The following CCDC149 variants were observed in gnomAD, a reference collection of about 807,000 sequenced individuals.
The protein encoded by CCDC149 is coiled-coil domain containing 149.
A neutral mutation model predicts 59.9 loss-of-function variants in CCDC149; 45 were observed. The ratio of observed to expected loss-of-function variants is 0.75; its 90% confidence interval spans 0.59 to 0.96. The LOEUF (loss-of-function observed/expected upper bound fraction) is 0.96, where lower values mean the gene tolerates loss of function less well. CCDC149 is among the 40% of genes least tolerant of loss of function. CCDC149 has a pLI of 0.00. For synonymous variants in CCDC149, 245 were observed against 260.6 expected (o/e 0.94, Z 0.58); for missense variants, 584 against 664.7 (o/e 0.88, Z 1.33).
At chr4:24,861,286 A>ACACACCG (rs1718370573) in intron 3 of CCDC149, among the ~76,000 whole-genome samples, 4 of 143,654 alleles carry the variant, frequency 2.8e-5, no homozygotes, top group African/African-American at 1.0e-4. Context: ...CACACACACC[A>ACACACCG]TGGAGTACTG....
At chr4:24,855,011 A>G (rs956406200) in intron 3 of CCDC149, among the ~76,000 whole-genome samples, 1 of 152,174 alleles carries the variant, frequency 6.6e-6, no homozygotes, top group African/African-American at 2.4e-5. Flanking sequence ...GCCATCTGTT[A>G]TCATTTACTT....
At chr4:24,971,895 C>T (rs1235943231) in intron 1 of CCDC149, among the ~76,000 whole-genome samples, 1 of 152,190 alleles carries the variant, frequency 6.6e-6, no homozygotes, top group African/African-American at 2.4e-5. Context: ...CTCCACAACC[C>T]CTTATCATAA....
At chr4:24,928,600 G>A (rs1722495375) in intron 1 of CCDC149, among the ~76,000 whole-genome samples, 1 of 152,130 alleles carries the variant, frequency 6.6e-6, no homozygotes, top group Non-Finnish European at 1.5e-5. Flanking sequence ...TCTTGTTCTT[G>A]CTTTCTTTGC....
At chr4:24,919,385 G>A (rs1317306524) in intron 1 of CCDC149, among the ~76,000 whole-genome samples, 1 of 151,852 alleles carries the variant, frequency 6.6e-6, no homozygotes, top group East Asian at 1.9e-4. Flanking sequence ...GACACAAAAA[G>A]CCTTTTCAGC....
At chr4:24,866,789 C>A (rs796212578) in intron 3 of CCDC149, among the ~76,000 whole-genome samples, 122 of 129,598 alleles carry the variant, frequency 9.4e-4, no homozygotes, top group Non-Finnish European at 1.1e-3. Flanking sequence ...ACCCAAAAAG[C>A]AAAAAAAAAA....
chr4:24,945,657 T>C (rs1723087276), intron 1 of CCDC149, among the ~76,000 whole-genome samples: 1 of 151,614 alleles, frequency 6.6e-6, no homozygotes, highest in African/African-American at 2.4e-5. Context: ...AGTCTTGTTC[T>C]ATCAGCCAGG....
intron 3 of CCDC149, among the ~76,000 whole-genome samples, chr4:24,854,962 C>T (rs1478208675): frequency 6.6e-6 from 1 of 152,170 alleles, no homozygotes; most frequent in Non-Finnish European, 1.5e-5. Flanking sequence ...ATACTGAAAC[C>T]TTCCCCGGTG....
chr4:24,908,833 A>G lies in CCDC149; in HGVS notation c.63+3984T>C, dbSNP rs146143658. ...GAGATTGATTGCTATCTAATTAACCAAAATTCAAATAGTGAAATGGAATTA... is the reference window on the plus strand; with the variant it reads ...GAGATTGATTGCTATCTAATTAACCGAAATTCAAATAGTGAAATGGAATTA... On this transcript the variant is annotated intron_variant, in intron 1 of 12. Coordinates refer to ENST00000635206, the MANE Select transcript of CCDC149 (RefSeq NM_001330643.2). Among the ~76,000 whole-genome samples the G allele has an allele frequency of 1.4e-4, 21 of 152,380 alleles. No homozygotes were observed. In the East Asian group the frequency reaches 3.9e-3, roughly 28 times the overall value.
Position 24,912,848 on chromosome 4 carries a change from G to A in CCDC149, c.32C>T (p.Thr11Ile), listed in dbSNP as rs920647496. Reference sequence around the variant, plus strand: ...CACCAGCCCCTGCCAGTCGCTCTCAGTCCGGTCGCCGTTCATGGCCTCCTC... The same window carrying A: ...CACCAGCCCCTGCCAGTCGCTCTCAATCCGGTCGCCGTTCATGGCCTCCTC... The change falls in exon 1 of 13, where the codon ACT (threonine) becomes ATT (isoleucine). Residue 11 changes from threonine to isoleucine, a missense_variant. Thr to Ile is a moderately conservative substitution (Grantham distance 89, BLOSUM62 -1). Transcript: ENST00000635206. The A allele has an allele frequency of 9.4e-6, 13 of 1,380,792 alleles. 1 individual carries two copies. The East Asian group carries it at 3.3e-4, about 35-fold the overall frequency. The allele number at this position is 1,380,792 out of a possible 1,614,324, so 85.5% of individuals were successfully genotyped here.
At chr4:24,855,710 T>C (rs1026695169) in intron 3 of CCDC149, among the ~76,000 whole-genome samples, 1 of 152,198 alleles carries the variant, frequency 6.6e-6, no homozygotes, top group African/African-American at 2.4e-5. Flanking sequence ...CAGCCCCCTA[T>C]TTGCAAAGCT....
intron 1 of CCDC149, among the ~76,000 whole-genome samples, chr4:24,883,813 C>T (rs190315800): frequency 1.2e-4 from 19 of 152,304 alleles, no homozygotes; most frequent in Admixed American, 7.8e-4. Flanking sequence ...GGACAAGAAC[C>T]GCTTTCCCCA....
intron 1 of CCDC149, among the ~76,000 whole-genome samples, chr4:24,962,288 G>A (rs1271174461): frequency 1.3e-5 from 2 of 151,958 alleles, no homozygotes; most frequent in South Asian, 2.1e-4. Flanking sequence ...TTAGAATGGC[G>A]ATCATTAAAA....
At chr4:24,980,160 A>G (rs1180039186), upstream of CCDC149, 2 of 152,144 alleles carry the variant, frequency 1.3e-5, no homozygotes, top group Non-Finnish European at 2.9e-5. Context: ...AGACTTCCCT[A>G]AGGCCCCCTT....
At chr4:24,834,393 CAAG>C (rs1271566130) in intron 8 of CCDC149, among the ~76,000 whole-genome samples, 1 of 151,912 alleles carries the variant, frequency 6.6e-6, no homozygotes, top group Non-Finnish European at 1.5e-5. Flanking sequence ...TTGGAATCGA[CAAG>C]AAGGAGGAAA....
intron 1 of CCDC149, among the ~76,000 whole-genome samples, chr4:24,897,927 T>C (rs1342152287): frequency 6.6e-6 from 1 of 152,158 alleles, no homozygotes; most frequent in African/African-American, 2.4e-5. Context: ...AGGTTACAGA[T>C]TGACCCCAGC....
chr4:24,927,880 A>T (rs148691715), intron 1 of CCDC149, among the ~76,000 whole-genome samples: 3 of 152,202 alleles, frequency 2.0e-5, no homozygotes, highest in Non-Finnish European at 4.4e-5. Flanking sequence ...AACTCAGCGT[A>T]CCTATACCTG....
chr4:24,856,167 T>C (rs548322767), intron 3 of CCDC149, among the ~76,000 whole-genome samples: 22 of 150,262 alleles, frequency 1.5e-4, no homozygotes, highest in African/African-American at 5.4e-4. Flanking sequence ...GGCCTCTCCT[T>C]GGACACAGCT....
At chr4:24,931,534 T>C (rs1722587212) in intron 1 of CCDC149, among the ~76,000 whole-genome samples, 1 of 151,426 alleles carries the variant, frequency 6.6e-6, no homozygotes, top group Non-Finnish European at 1.5e-5. Context: ...CTGCAACACC[T>C]GGGGTTAGTG....
chr4:24,902,494 T>C (rs1044403978), intron 1 of CCDC149, among the ~76,000 whole-genome samples: 1 of 152,198 alleles, frequency 6.6e-6, no homozygotes, highest in African/African-American at 2.4e-5. Context: ...AACCCAGTGA[T>C]TTCTGCCTTT....
Sources: gnomAD v4.1 joint callset for allele counts (sites outside exome capture counted in the v4.1 genomes callset) on GRCh38, gnomAD v4.1.1 for gene constraint, MANE v1.5 for transcripts, NCBI Gene and HGNC (gene_info 2026-07-23, HGNC 2026-07-21) for gene names.